CAPN5: variants seen among roughly 807,000 people sequenced by gnomAD.
CAPN5 encodes the protein calpain-5.
CAPN5 carries 54 observed loss-of-function variants against 73.0 expected under a neutral mutation model. That is an observed-to-expected ratio of 0.74 (90% CI 0.59 to 0.93). CAPN5 has a LOEUF of 0.93. Ranked by LOEUF, CAPN5 falls within the 40% of genes least tolerant of loss-of-function variation. CAPN5 has a pLI of 0.00. For synonymous variants in CAPN5, 335 were observed against 356.9 expected, an observed-to-expected ratio of 0.94 and a Z score of 0.69; for missense variants, 785 against 882.9, an observed-to-expected ratio of 0.89 and a Z score of 1.41.
chr11:77,091,518 G>A (rs545649441), intron 2 of CAPN5, among the ~76,000 whole-genome samples: 5 of 152,358 alleles, frequency 3.3e-5, no homozygotes. Context: ...CCACTTCTCA[G>A]TGCCTTGGTG....
chr11:77,082,821 C>T (rs938763916), intron 1 of CAPN5, among the ~76,000 whole-genome samples: 3 of 152,354 alleles, frequency 2.0e-5, no homozygotes, highest in Middle Eastern at 3.4e-3. Flanking sequence ...GGCTGTGTGC[C>T]CTGGGCGAGC....
chr11:77,115,459 C>A lies in CAPN5; in HGVS notation c.764C>A (p.Ala255Asp), dbSNP rs782575374. 6.2e-7 allele frequency: 1 copy of A among 1,613,052 alleles called. No individual in the cohort carries two copies. Among genetic ancestry groups the A allele is most frequent in the South Asian group, 1.1e-5 (1 of 91,048 alleles). Reference protein sequence around the residue: ...ACGLVKGHAYAVTDVRKVRLG... With the variant: ...ACGLVKGHAYDVTDVRKVRLG... ...GGCCTGGTAAAGGGCCACGCATACGCCGTCACTGATGTGCGCAAGGTGCGC... is the reference window on the plus strand; with the variant it reads ...GGCCTGGTAAAGGGCCACGCATACGACGTCACTGATGTGCGCAAGGTGCGC... The change falls in exon 6 of 13, where the codon GCC becomes GAC. Residue 255 changes from alanine to aspartate, a missense_variant. Ala to Asp is a moderately radical substitution (Grantham distance 126). Transcript: ENST00000648180.
chr11:77,119,657 T>G (rs1555042408), intron 9 of CAPN5: 1 of 159,886 alleles, frequency 6.3e-6, no homozygotes, highest in African/African-American at 2.4e-5. Context: ...ATGCCCAGTG[T>G]GTGGTGACAG....
At chr11:77,102,701 G>A in intron 3 of CAPN5, 1 of 1,025,384 alleles carries the variant, frequency 9.8e-7, no homozygotes, top group Non-Finnish European at 1.4e-6. Context: ...AGTGGGGCTG[G>A]GAAGAGCCAG....
rs782540258 is a variant in CAPN5, at chr11:77,103,103, G to A, written c.297+9290G>A. On this transcript the variant is annotated intron_variant, in intron 3 of 12. Transcript: ENST00000648180. ...TCACAGGCACCTCGCAGAACTGGAC[G>A]CCTGACCTCACCAACCTCATGACAC... 2.3e-5 allele frequency: 37 copies of A among 1,613,754 alleles called. No homozygotes were observed. In the East Asian group the frequency reaches 6.0e-4, roughly 26 times the overall value.
At chr11:77,070,494 G>A (rs1468509061) in intron 1 of CAPN5, among the ~76,000 whole-genome samples, 2 of 152,250 alleles carry the variant, frequency 1.3e-5, no homozygotes, top group Admixed American at 1.3e-4. Context: ...CTGATGTGGG[G>A]TGACTGTTGT....
At chr11:77,111,111 G>A (rs1283432597) in intron 3 of CAPN5, among the ~76,000 whole-genome samples, 5 of 152,048 alleles carry the variant, frequency 3.3e-5, no homozygotes, top group South Asian at 4.2e-4. Context: ...GCAGCACTGC[G>A]GATGCTGCTG....
chr11:77,100,697 C>T (rs919457374), intron 3 of CAPN5, among the ~76,000 whole-genome samples: 4 of 152,238 alleles, frequency 2.6e-5, no homozygotes, highest in African/African-American at 7.2e-5. Flanking sequence ...GCTGTCTCCA[C>T]CAGCCAGCTG....
At chr11:77,103,175 G>A (rs367800134) in intron 3 of CAPN5, 29 of 1,613,824 alleles carry the variant, frequency 1.8e-5, no homozygotes, top group East Asian at 2.2e-5. Context: ...AGGAGGACTC[G>A]GATGCCATAG....
chr11:77,081,308 C>T (rs908101466), intron 1 of CAPN5, among the ~76,000 whole-genome samples: 4 of 152,226 alleles, frequency 2.6e-5, no homozygotes, highest in African/African-American at 7.2e-5. Context: ...TGGCCTTTCT[C>T]TCCTGCCTCT....
chr11:77,103,944 G>A (rs574937538), intron 3 of CAPN5, among the ~76,000 whole-genome samples: 286 of 152,338 alleles, frequency 1.9e-3, no homozygotes, highest in African/African-American at 6.5e-3. Flanking sequence ...AGGCCCAGCT[G>A]TGGCTCTTCT....
chr11:77,116,716 C>G (rs540119029), intron 7 of CAPN5, among the ~76,000 whole-genome samples: 2 of 152,364 alleles, frequency 1.3e-5, no homozygotes, highest in Admixed American at 1.3e-4. Flanking sequence ...CCAGGAAGCC[C>G]TGCCCTCAGC....
chr11:77,118,890 CCT>C, intron 8 of CAPN5, 138 bp from the exon 9 acceptor site: 4 of 927,360 alleles, frequency 4.3e-6, no homozygotes, highest in Non-Finnish European at 6.5e-6. Flanking sequence ...GGTAGGCCCA[CCT>C]CACAGCAGAG....
At chr11:77,078,363 A>G (rs1440181195) in intron 1 of CAPN5, among the ~76,000 whole-genome samples, 2 of 152,156 alleles carry the variant, frequency 1.3e-5, no homozygotes. Flanking sequence ...TTGAAAATTA[A>G]TTGACAAATT....
intron 1 of CAPN5, chr11:77,073,000 C>A: frequency 2.0e-6 from 2 of 981,352 alleles, no homozygotes; most frequent in Non-Finnish European, 2.8e-6. Flanking sequence ...GGTTGTCTCT[C>A]CGGTGGGGAG....
chr11:77,119,444 G>A, intron 9 of CAPN5: 1 of 400,480 alleles, frequency 2.5e-6, no homozygotes, highest in South Asian at 3.1e-5. Context: ...ACTGGTGGTT[G>A]GGGCCGGGCC....
intron 1 of CAPN5, among the ~76,000 whole-genome samples, chr11:77,076,637 C>CT: frequency 6.6e-6 from 1 of 152,166 alleles, no homozygotes; most frequent in Non-Finnish European, 1.5e-5. Flanking sequence ...CTGTGTCTGG[C>CT]TTATTTCACT....
intron 3 of CAPN5, among the ~76,000 whole-genome samples, chr11:77,109,231 TA>T (rs1242995458): frequency 6.6e-6 from 1 of 152,220 alleles, no homozygotes; most frequent in Non-Finnish European, 1.5e-5. Context: ...TCAGTGATTG[TA>T]AAATGCTGGT....
At chr11:77,090,814 C>T (rs1950140756) in intron 2 of CAPN5, among the ~76,000 whole-genome samples, 1 of 152,208 alleles carries the variant, frequency 6.6e-6, no homozygotes, top group Admixed American at 6.5e-5. Context: ...GTCATAGCTC[C>T]CTCTGGGTCA....
Sources: allele counts gnomAD v4.1 joint callset (sites outside exome capture counted in the v4.1 genomes callset), GRCh38; gene constraint gnomAD v4.1.1; transcripts MANE v1.5; gene names NCBI Gene and HGNC (gene_info 2026-07-23, HGNC 2026-07-21).